PCDHGA4: variants seen among roughly 807,000 people sequenced by gnomAD.
PCDHGA4 encodes protocadherin gamma-A4.
PCDHGA4 carries 38 observed loss-of-function variants against 54.6 expected under a neutral mutation model. That is an observed-to-expected ratio of 0.70 (90% CI 0.54 to 0.91). The LOEUF is 0.91. Ranked by LOEUF, PCDHGA4 falls within the 40% of genes least tolerant of loss-of-function variation. The probability of loss-of-function intolerance (pLI) is 0.00; values close to 1 mark genes in which losing one functional copy is unlikely to be tolerated. For synonymous variants in PCDHGA4, 511 were observed against 512.9 expected (o/e 1.00, Z 0.05); for missense variants, 1,298 against 1,220.9 (o/e 1.06, Z -0.94).
chr5:141,423,883 A>G, intron 1 of PCDHGA4: 2 of 1,283,462 alleles, frequency 1.6e-6, no homozygotes, highest in Non-Finnish European at 2.0e-6. Context: ...CAATCTTGGC[A>G]TATTTTCTTT....
intron 1 of PCDHGA4, chr5:141,415,435 C>A: frequency 1.2e-6 from 2 of 1,614,202 alleles, no homozygotes; most frequent in Non-Finnish European, 8.5e-7. Context: ...TCGGGCTTTC[C>A]TGCAGACCTA....
rs775380177 is a variant in PCDHGA4, at chr5:141,422,666, C to T, written c.2514+65045C>T. The T allele has an allele frequency of 3.1e-6, 5 of 1,608,026 alleles. No individual in the cohort carries two copies. In the South Asian group the frequency reaches 3.3e-5, roughly 11 times the overall value. ...ATCTTCTCAGTGACCGCCCTCGACC[C>T]GGACAGCAAACAGAATGCCCTGGTC... On this transcript the variant is annotated intron_variant, in intron 1 of 3. Transcript: ENST00000571252.
At chr5:141,422,690 T>C (rs1384522137) in intron 1 of PCDHGA4, 1 of 1,603,790 alleles carries the variant, frequency 6.2e-7, no homozygotes, top group African/African-American at 1.3e-5. Flanking sequence ...AATGCCCTGG[T>C]CACTTACTCT....
chr5:141,376,171 G>A (rs758847977), intron 1 of PCDHGA4: 1 of 1,614,096 alleles, frequency 6.2e-7, no homozygotes, highest in Non-Finnish European at 8.5e-7. Context: ...TGGTGGTGGC[G>A]GTGGCCGCGG....
intron 1 of PCDHGA4, among the ~76,000 whole-genome samples, chr5:141,368,835 T>C (rs1765886415): frequency 6.6e-6 from 1 of 152,190 alleles, no homozygotes; most frequent in African/African-American, 2.4e-5. Flanking sequence ...CTTGGCATTG[T>C]GTTGGAAGGC....
chr5:141,433,703 G>T (rs1561871157), intron 1 of PCDHGA4, among the ~76,000 whole-genome samples: 1 of 152,098 alleles, frequency 6.6e-6, no homozygotes, highest in Non-Finnish European at 1.5e-5. Flanking sequence ...CGGGCGTGGT[G>T]GTGCATGTCT....
At chr5:141,495,710 G>C (rs2099763133) in intron 2 of PCDHGA4, among the ~76,000 whole-genome samples, 1 of 152,148 alleles carries the variant, frequency 6.6e-6, no homozygotes, top group Non-Finnish European at 1.5e-5. Flanking sequence ...TGTGGAGTGA[G>C]TAACTACACG....
In PCDHGA4 at chr5:141,413,469, G is replaced by A. The variant is rs766765319; in HGVS notation, c.2514+55848G>A. 5 of 1,614,012 alleles carry A rather than the reference G, an allele frequency of 3.1e-6. No individual in the cohort carries two copies. The African/African-American group carries it at 5.3e-5, about 17-fold the overall frequency. On this transcript the variant is annotated intron_variant, in intron 1 of 3. Transcript: ENST00000571252. ...CCGCGGGCAGGATAGACCGGGAGGA[G>A]CTCTGCGCTCAGAGCGCGCGGTGCG...
Position 141,493,359 on chromosome 5 carries a change from G to A in PCDHGA4, c.2515-1448G>A, listed in dbSNP as rs956980110. Among the ~76,000 whole-genome samples the A allele has an allele frequency of 2.6e-5, 4 of 152,148 alleles. No homozygotes were observed. The highest frequency in any genetic ancestry group is 9.7e-5 in the African/African-American group (4 of 41,418). ...CCAGAATGTGTGCTTTTAATTTCTT[G>A]GCACTTGGAACTTTAAAAGCTTGAG... On this transcript the variant is annotated intron_variant, in intron 1 of 3. Transcript: ENST00000571252. This position sits in a 1 kb window ranked among gnomAD's most constrained non-coding sequence, Gnocchi z 4.3.
At chr5:141,461,170 G>T (rs1347666737) in intron 1 of PCDHGA4, among the ~76,000 whole-genome samples, 1 of 152,052 alleles carries the variant, frequency 6.6e-6, no homozygotes. Context: ...GGGATTGCTG[G>T]ATTGAATGGT....
Position 141,487,321 on chromosome 5 carries a change from T to C in PCDHGA4, c.2515-7486T>C. 1.2e-6 allele frequency: 2 copies of C among 1,614,198 alleles called. No individual in the cohort carries two copies. The highest frequency in any genetic ancestry group is 1.7e-6 in the Non-Finnish European group (2 of 1,180,040). Reference sequence around the variant, plus strand: ...TCGTGGCACTACTCTCTAAGTGTCTTCGTGGGGCAGCCTGTGGAGTCACAT... The same window carrying C: ...TCGTGGCACTACTCTCTAAGTGTCTCCGTGGGGCAGCCTGTGGAGTCACAT... On this transcript the variant is annotated intron_variant, in intron 1 of 3. Transcript: ENST00000571252. The surrounding 1 kb of genome is among the most constrained non-coding windows in gnomAD (Gnocchi z 5.0).
intron 1 of PCDHGA4, among the ~76,000 whole-genome samples, chr5:141,474,412 C>A (rs1282336092): frequency 6.6e-6 from 1 of 152,220 alleles, no homozygotes; most frequent in Non-Finnish European, 1.5e-5. Flanking sequence ...CCGGTGATGC[C>A]TAGACCATTG....
At chr5:141,430,713 T>G in intron 1 of PCDHGA4, 1 of 1,481,944 alleles carries the variant, frequency 6.7e-7, no homozygotes, top group Non-Finnish European at 9.0e-7. Context: ...GCTCCTGACT[T>G]CAGTGGTTAA....
intron 1 of PCDHGA4, chr5:141,409,280 T>C (rs1277414418): frequency 6.2e-7 from 1 of 1,613,904 alleles, no homozygotes; most frequent in Non-Finnish European, 8.5e-7. Context: ...TTTGGAGAAT[T>C]CACCTCCAGG....
intron 1 of PCDHGA4, chr5:141,414,866 C>T: frequency 6.2e-7 from 1 of 1,614,230 alleles, no homozygotes; most frequent in Non-Finnish European, 8.5e-7. Flanking sequence ...GACAATGCGC[C>T]CGAGATCCTG....
rs376067853 is a variant in PCDHGA4, at chr5:141,408,397, G to C, written c.2514+50776G>C. 261 of 1,614,068 alleles carry C rather than the reference G, an allele frequency of 1.6e-4. 1 individual carries two copies. In the East Asian group the frequency reaches 5.2e-3, roughly 32 times the overall value. On this transcript the variant is annotated intron_variant, in intron 1 of 3. Coordinates refer to ENST00000571252, the MANE Select transcript of PCDHGA4 (RefSeq NM_018917.4). The stretch of plus-strand genomic sequence containing the variant: ...GTGTCCTGGATGTGTCGGCTCGCAA[G>C]CTGCGAGTGAGCGCGGAGAAGCTGC...
intron 1 of PCDHGA4, chr5:141,399,459 C>A (rs897098728): frequency 6.2e-7 from 1 of 1,614,012 alleles, no homozygotes; most frequent in African/African-American, 1.3e-5. Flanking sequence ...TCAACGATAA[C>A]GCTCCGGTTT....
At chr5:141,372,707 G>A (rs1451654894) in intron 1 of PCDHGA4, 2 of 1,613,964 alleles carry the variant, frequency 1.2e-6, no homozygotes, top group Non-Finnish European at 1.7e-6. Flanking sequence ...TCAATATAAA[G>A]GCTGAAAATG....
At chr5:141,427,100 T>G (rs1270371842) in intron 1 of PCDHGA4, 1 of 458,010 alleles carries the variant, frequency 2.2e-6, no homozygotes, top group Non-Finnish European at 4.4e-6. Flanking sequence ...AGGGTGTCAA[T>G]GCGGAGATCA....
Sources: allele counts gnomAD v4.1 joint callset (sites outside exome capture counted in the v4.1 genomes callset), GRCh38; gene constraint gnomAD v4.1.1; non-coding constraint Gnocchi (gnomAD v3.1); transcripts MANE v1.5; gene names NCBI Gene and HGNC (gene_info 2026-07-23, HGNC 2026-07-21).